RPTOR: variants seen among roughly 807,000 people sequenced by gnomAD.
RPTOR encodes regulatory-associated protein of mTOR.
Under a neutral mutation model 169.9 loss-of-function variants are expected in RPTOR, and 21 were observed. The observed-to-expected ratio is 0.12, with a 90% CI of 0.09 to 0.18. The LOEUF (loss-of-function observed/expected upper bound fraction) is 0.18, where lower values mean the gene tolerates loss of function less well. RPTOR is among the 10% of genes least tolerant of loss of function. RPTOR has a pLI of 1.00. For synonymous variants in RPTOR, 732 were observed against 753.2 expected (o/e 0.97, Z 0.46); for missense variants, 1,133 against 1,855.9 (o/e 0.61, Z 7.16).
At chr17:80,684,196 A>C (rs1172446732) in intron 3 of RPTOR, among the ~76,000 whole-genome samples, 1 of 151,922 alleles carries the variant, frequency 6.6e-6, no homozygotes, top group Non-Finnish European at 1.5e-5. Context: ...TCACGTGTTT[A>C]GTTTGTATTC....
intron 7 of RPTOR, among the ~76,000 whole-genome samples, chr17:80,797,053 T>A (rs117638489): frequency 0.011 from 1,704 of 152,348 alleles, 22 homozygotes; most frequent in Admixed American, 0.039. Context: ...TTTTATGTTT[T>A]TTTAATTTTT....
At chr17:80,648,147 C>A (rs1486869716) in intron 3 of RPTOR, among the ~76,000 whole-genome samples, 1 of 152,140 alleles carries the variant, frequency 6.6e-6, no homozygotes, top group Non-Finnish European at 1.5e-5. Flanking sequence ...ATGTAAATGA[C>A]AGTCATCCTT....
intron 13 of RPTOR, 143 bp from the exon 14 acceptor site, chr17:80,880,272 T>C (rs2068171604): frequency 9.7e-6 from 7 of 721,342 alleles, no homozygotes; most frequent in Non-Finnish European, 1.5e-5. Context: ...TGCAGCTGTT[T>C]TTCAAATGAA....
chr17:80,836,289 G>T (rs942778866), intron 9 of RPTOR, among the ~76,000 whole-genome samples: 1 of 152,230 alleles, frequency 6.6e-6, no homozygotes, highest in Non-Finnish European at 1.5e-5. Flanking sequence ...AAAGTCACAC[G>T]GGGCTGCTCA....
At chr17:80,763,041 A>C (rs571498566) in intron 6 of RPTOR, among the ~76,000 whole-genome samples, 1 of 152,316 alleles carries the variant, frequency 6.6e-6, no homozygotes, top group Admixed American at 6.5e-5. Context: ...ATTTAAAGCA[A>C]AACGTTTAAG....
chr17:80,757,199 A>C (rs958814427), intron 6 of RPTOR, among the ~76,000 whole-genome samples: 9 of 152,162 alleles, frequency 5.9e-5, no homozygotes, highest in Non-Finnish European at 1.3e-4. Context: ...CAGAGCTGAA[A>C]ATACCTGAAG....
At chr17:80,875,823 CCCG>C (rs1487279700) in intron 13 of RPTOR, among the ~76,000 whole-genome samples, 21 of 147,326 alleles carry the variant, frequency 1.4e-4, no homozygotes, top group Non-Finnish European at 2.3e-4. Flanking sequence ...TCCCACCGAG[CCCG>C]TGCCGCCCAG....
intron 3 of RPTOR, among the ~76,000 whole-genome samples, chr17:80,664,543 A>C (rs960949026): frequency 5.4e-5 from 8 of 148,320 alleles, no homozygotes; most frequent in Middle Eastern, 3.5e-3. Context: ...TCTCTTCCTC[A>C]CCCCACTCTT....
chr17:80,589,728 A>C (rs1294361735), intron 1 of RPTOR, among the ~76,000 whole-genome samples: 1 of 152,154 alleles, frequency 6.6e-6, no homozygotes, highest in African/African-American at 2.4e-5. Context: ...ATAGGAATGC[A>C]GTATACAGTT....
chr17:80,874,344 G>A (rs891357590), intron 13 of RPTOR, among the ~76,000 whole-genome samples: 10 of 152,016 alleles, frequency 6.6e-5, no homozygotes, highest in African/African-American at 1.7e-4. Flanking sequence ...CCACAGGCGC[G>A]TGCCACCACG....
intron 6 of RPTOR, among the ~76,000 whole-genome samples, chr17:80,787,334 G>A (rs1040262776): frequency 1.3e-5 from 2 of 152,274 alleles, no homozygotes; most frequent in East Asian, 1.9e-4. Context: ...GAGTACCCCC[G>A]TCTAACTCTG....
At chr17:80,849,712 G>T (rs1567948119) in intron 11 of RPTOR, among the ~76,000 whole-genome samples, 1 of 152,186 alleles carries the variant, frequency 6.6e-6, no homozygotes, top group African/African-American at 2.4e-5. Context: ...TAGTGACAAG[G>T]TTTCACCATC....
intron 3 of RPTOR, among the ~76,000 whole-genome samples, chr17:80,674,805 A>AC (rs1567851361): frequency 1.3e-4 from 14 of 107,560 alleles, no homozygotes; most frequent in African/African-American, 7.7e-4. Flanking sequence ...AAAAAAAAAA[A>AC]AAAAAAAAAA....
intron 28 of RPTOR, among the ~76,000 whole-genome samples, chr17:80,951,460 G>C (rs376660956): frequency 1.3e-5 from 2 of 152,236 alleles, no homozygotes; most frequent in Admixed American, 6.5e-5. Context: ...CTCTCACTGC[G>C]GGGGAAGGCA....
At chr17:80,810,361 T>C (rs2143573018) in intron 7 of RPTOR, among the ~76,000 whole-genome samples, 1 of 152,278 alleles carries the variant, frequency 6.6e-6, no homozygotes, top group East Asian at 1.9e-4. Flanking sequence ...TTATTTTCCA[T>C]ATAGATACCA....
chr17:80,931,806 A>C (rs1255122388), intron 24 of RPTOR, among the ~76,000 whole-genome samples: 1 of 152,184 alleles, frequency 6.6e-6, no homozygotes, highest in Non-Finnish European at 1.5e-5. Context: ...AGCAACAGAG[A>C]GCCCTTCGGA....
In RPTOR at chr17:80,634,749, CTGTG is replaced by C. The variant is rs71163986; in HGVS notation, c.265+8963_265+8966del. On this transcript the variant is annotated intron_variant, in intron 2 of 33. Coordinates refer to ENST00000306801, the MANE Select transcript of RPTOR (RefSeq NM_020761.3). ...TGTGTGCGTACTGTGTGTGTGCATA[CTGTG>C]TGTGTGCGTACTGTGCGTGTGTGTA... Among the ~76,000 whole-genome samples the C allele has an allele frequency of 1.2e-4, 7 of 57,952 alleles. 1 individual carries two copies. The highest frequency in any genetic ancestry group is 3.4e-4 in the African/African-American group (4 of 11,714). 38.0% of individuals were successfully genotyped at this position (57,952 alleles called of 152,430 possible).
At position 80,665,476 on chromosome 17, in the gene RPTOR, TCCTTTCCTTTCCTTTCCTTTCCTTTC is replaced by T. The variant is rs2065766680; in HGVS notation, c.348+21668_348+21693del. On this transcript the variant is annotated intron_variant, in intron 3 of 33. Coordinates refer to ENST00000306801, the MANE Select transcript of RPTOR (RefSeq NM_020761.3). Reference sequence around the variant, plus strand: ...TCCTTTCCTTTCCTTTCCTTTCCTTTCCTTTCCTTTCCTTTCCTTTCCTTTCCATGTCCTTTCCTTTCCTTTCCATG... The same window carrying T: ...TCCTTTCCTTTCCTTTCCTTTCCTTTCATGTCCTTTCCTTTCCTTTCCATG... 7.3e-5 allele frequency among the ~76,000 whole-genome samples: 3 copies of T among 40,838 alleles called. No individual in the cohort carries two copies. The African/African-American group carries it at 8.4e-4, about 11-fold the overall frequency. 26.8% of individuals were successfully genotyped at this position (40,838 alleles called of 152,430 possible). A position where few individuals can be genotyped will look rare whatever the true frequency, so the allele number is the denominator to read the frequency against.
At chr17:80,929,575 T>C (rs1163985053) in intron 24 of RPTOR, among the ~76,000 whole-genome samples, 1 of 152,226 alleles carries the variant, frequency 6.6e-6, no homozygotes, top group Non-Finnish European at 1.5e-5. Flanking sequence ...GGGATTTCCG[T>C]TTGGCGGCTC....
Sources: allele counts gnomAD v4.1 joint callset (sites outside exome capture counted in the v4.1 genomes callset), GRCh38; gene constraint gnomAD v4.1.1; transcripts MANE v1.5; gene names NCBI Gene and HGNC (gene_info 2026-07-23, HGNC 2026-07-21).